IQCF1: variants seen among roughly 807,000 people sequenced by gnomAD.
The protein encoded by IQCF1 is IQ domain-containing protein F1.
Under a neutral mutation model 12.5 loss-of-function variants are expected in IQCF1, and 9 were observed. The ratio of observed to expected loss-of-function variants is 0.72; its 90% CI spans 0.43 to 1.26. The LOEUF (loss-of-function observed/expected upper bound fraction) is 1.26. Ranked by LOEUF, IQCF1 falls within the 50% of genes most tolerant of loss-of-function variation. IQCF1 has a pLI of 0.00. For synonymous variants in IQCF1, 67 were observed against 96.2 expected (o/e 0.70, Z 1.78); for missense variants, 252 against 257.4 (o/e 0.98, Z 0.14).
intron 2 of IQCF1, among the ~76,000 whole-genome samples, chr3:51,902,543 C>G (rs7373140): frequency 0.7 from 106,224 of 152,052 alleles, 38,066 homozygotes; most frequent in East Asian, 0.86. Flanking sequence ...TTCCGATTAC[C>G]GGCTCCACCC....
chr3:51,895,016 A>G lies in IQCF1; in HGVS notation c.492T>C (p.Ala164=). 2 of 1,614,258 alleles carry G rather than the reference A, an allele frequency of 1.2e-6. No individual in the cohort carries two copies. Among genetic ancestry groups the G allele is most frequent in the Non-Finnish European group, 1.7e-6 (2 of 1,180,034 alleles). ...IQAYWRCRSC[A]SRGFIKGQYR... The stretch of plus-strand genomic sequence containing the variant: ...ACTGGCCCTTGATGAACCCCCGGGA[A>G]GCACAGGAGCGGCACCTCCAGTAAG... Residue 164 remains alanine, a synonymous_variant, in exon 4 of 4, where the codon GCT becomes GCC. Transcript: ENST00000310914. This position sits in a 1 kb window ranked among gnomAD's most constrained non-coding sequence, Gnocchi z 4.8.
chr3:51,896,893 G>A lies in IQCF1; in HGVS notation c.110C>T (p.Ala37Val). 6.2e-7 allele frequency: 1 copy of A among 1,611,452 alleles called. No homozygotes were observed. The highest frequency in any genetic ancestry group is 1.6e-4 in the Middle Eastern group (1 of 6,062). The change falls in exon 3 of 4, where the codon GCT becomes GTT. Residue 37 changes from alanine to valine, a missense_variant and splice_region_variant. Transcript: ENST00000310914. Reference sequence around the variant, plus strand: ...TGTCTCAACCAGAACTGGAGTTTTAGCCTGAAAAGGAAATGGGGAAAGAGA... The same window carrying A: ...TGTCTCAACCAGAACTGGAGTTTTAACCTGAAAAGGAAATGGGGAAAGAGA... ...LSLGAESKAE[A>V]KTPVLVETQT... is the part of the protein sequence containing the mutation.
At chr3:51,901,486 G>A (rs530201300) in intron 2 of IQCF1, among the ~76,000 whole-genome samples, 4 of 152,322 alleles carry the variant, frequency 2.6e-5, no homozygotes, top group Non-Finnish European at 4.4e-5. Flanking sequence ...GTTCATCCCC[G>A]AGGGGATGTG....
rs772132466 is a variant in IQCF1, at chr3:51,896,854, T to A, written c.149A>T (p.Asn50Ile). The change falls in exon 3 of 4, where the codon AAT (asparagine) becomes ATT (isoleucine). Residue 50 changes from asparagine (N) to isoleucine (I), a missense_variant. Transcript: ENST00000310914. ...PVLVETQTVD[N>I]ANEKSEKPPE... is the part of the protein sequence containing the mutation. ...TACTTTTTCTGATTTCTCATTGGCATTGTCCACTGTCTGTGTCTCAACCAG... is the reference window on the plus strand; with the variant it reads ...TACTTTTTCTGATTTCTCATTGGCAATGTCCACTGTCTGTGTCTCAACCAG... 1.9e-6 allele frequency: 3 copies of A among 1,613,400 alleles called. No individual in the cohort carries two copies. The South Asian group carries it at 3.3e-5, about 18-fold the overall frequency.
intron 2 of IQCF1, among the ~76,000 whole-genome samples, chr3:51,902,599 G>A (rs1470858782): frequency 4.0e-5 from 6 of 151,726 alleles, no homozygotes; most frequent in Non-Finnish European, 7.4e-5. Context: ...GACTCATTCC[G>A]ATTTCCTGCT....
rs750481057 is a variant in IQCF1 at position 51,894,886 on chromosome 3, C to G, written c.*4G>C. On this transcript the variant is annotated 3_prime_UTR_variant, in exon 4 of 4. Transcript: ENST00000310914. The stretch of plus-strand genomic sequence containing the variant: ...TTGTCAGAGACTATCTGGAAAAGAC[C>G]ACTTCATTCCTTTATTGAGAAGGGA... 1.2e-6 allele frequency: 2 copies of G among 1,610,402 alleles called. No individual in the cohort carries two copies. The highest frequency in any genetic ancestry group is 2.2e-5 in the South Asian group (2 of 90,652).
intron 3 of IQCF1, among the ~76,000 whole-genome samples, chr3:51,896,128 T>G (rs1417193041): frequency 1.3e-5 from 2 of 152,234 alleles, no homozygotes; most frequent in Non-Finnish European, 2.9e-5. Context: ...AACATCTGAA[T>G]AGGAAACATT....
rs185634332 is a variant in IQCF1 at position 51,901,124 on chromosome 3, G to A, written c.108+1861C>T. Among the ~76,000 whole-genome samples, 349 of 152,322 alleles carry A rather than the reference G, an allele frequency of 2.3e-3. 1 individual carries two copies. The highest frequency in any genetic ancestry group is 7.9e-3 in the African/African-American group (328 of 41,570). On this transcript the variant is annotated intron_variant, in intron 2 of 3. Coordinates refer to ENST00000310914, the MANE Select transcript of IQCF1 (RefSeq NM_152397.3). Reference sequence around the variant, plus strand: ...TTGGAATGGATCAAATATTCCGTCCGCACATTAAACAAAAGCAATTGTTAT... The same window carrying A: ...TTGGAATGGATCAAATATTCCGTCCACACATTAAACAAAAGCAATTGTTAT...
At position 51,895,001 on chromosome 3, in the gene IQCF1, G is replaced by C. The variant is rs753873452; in HGVS notation, c.507C>G (p.Ile169Met). 6.2e-7 allele frequency: 1 copy of C among 1,614,226 alleles called. No individual in the cohort carries two copies. Among genetic ancestry groups the C allele is most frequent in the South Asian group, 1.1e-5 (1 of 91,086 alleles). ...RCRSCASRGFIKGQYRVTANQ... is the reference protein window; with the variant it reads ...RCRSCASRGFMKGQYRVTANQ... ...TGGCTGTGACTCTGTACTGGCCCTTGATGAACCCCCGGGAAGCACAGGAGC... is the reference window on the plus strand; with the variant it reads ...TGGCTGTGACTCTGTACTGGCCCTTCATGAACCCCCGGGAAGCACAGGAGC... Residue 169 changes from isoleucine to methionine, a missense_variant, in exon 4 of 4, where the codon ATC becomes ATG. Transcript: ENST00000310914. This position sits in a 1 kb window ranked among gnomAD's most constrained non-coding sequence, Gnocchi z 4.8.
chr3:51,895,102 G>C lies in IQCF1; in HGVS notation c.406C>G (p.Arg136Gly). ...TAGCGTCTGCGGATGCGCCACATGC[G>C]GGCCTGGGACTGCAGTGTGACTGCT... is the stretch of plus-strand genomic sequence containing the variant. ...WAAVTLQSQA[R>G]MWRIRRRYCQ... The change falls in exon 4 of 4, where the codon CGC becomes GGC. Residue 136 changes from arginine (R) to glycine (G), a missense_variant. Arg to Gly is a moderately radical substitution (Grantham distance 125, BLOSUM62 -2). Transcript: ENST00000310914. This position sits in a 1 kb window ranked among gnomAD's most constrained non-coding sequence, Gnocchi z 4.8. 6.2e-7 allele frequency: 1 copy of C among 1,614,218 alleles called. No individual in the cohort carries two copies.
intron 2 of IQCF1, among the ~76,000 whole-genome samples, chr3:51,897,300 C>T (rs1699019086): frequency 6.6e-6 from 1 of 152,230 alleles, no homozygotes; most frequent in Non-Finnish European, 1.5e-5. Flanking sequence ...CCTTCCCCTC[C>T]CTTGTCCAAG....
Position 51,896,903 on chromosome 3 carries a change from G to T in IQCF1, c.109-9C>A. The T allele has an allele frequency of 6.2e-7, 1 of 1,605,924 alleles. No homozygotes were observed. Among genetic ancestry groups the T allele is most frequent in the South Asian group, 1.1e-5 (1 of 90,904 alleles). On this transcript the variant is annotated splice_polypyrimidine_tract_variant and intron_variant, in intron 2 of 3. Transcript: ENST00000310914. ...AGAACTGGAGTTTTAGCCTGAAAAGGAAATGGGGAAAGAGAACAGACAAGA... is the reference window on the plus strand; with the variant it reads ...AGAACTGGAGTTTTAGCCTGAAAAGTAAATGGGGAAAGAGAACAGACAAGA...
chr3:51,903,067 G>A lies in IQCF1; in HGVS notation c.26C>T (p.Thr9Met), dbSNP rs145799557. The A allele has an allele frequency of 1.7e-5, 28 of 1,613,942 alleles. No homozygotes were observed. The highest frequency in any genetic ancestry group is 3.3e-5 in the South Asian group (3 of 91,084). Residue 9 changes from threonine (T) to methionine (M), a missense_variant, in exon 2 of 4, where the codon ACG (threonine) becomes ATG (methionine). Physicochemically the swap from Thr to Met is moderately conservative, Grantham distance 81. Transcript: ENST00000310914. MEEKQPQK[T>M]KEPSKEDEPQ... ...CTCATCTTCTTTTGAGGGTTCCTTCGTCTTTTGGGGCTGCTTCTCCTCCTG... is the reference window on the plus strand; with the variant it reads ...CTCATCTTCTTTTGAGGGTTCCTTCATCTTTTGGGGCTGCTTCTCCTCCTG...
chr3:51,899,825 AAC>A (rs1156808734), intron 2 of IQCF1, among the ~76,000 whole-genome samples: 2 of 152,242 alleles, frequency 1.3e-5, no homozygotes, highest in African/African-American at 4.8e-5. Context: ...TAACATTAAT[AAC>A]ACACTTAATA....
chr3:51,901,562 A>G (rs1172182863), intron 2 of IQCF1, among the ~76,000 whole-genome samples: 1 of 152,200 alleles, frequency 6.6e-6, no homozygotes, highest in Non-Finnish European at 1.5e-5. Flanking sequence ...CTTGTGTTTT[A>G]GTCCAATTGG....
intron 2 of IQCF1, among the ~76,000 whole-genome samples, chr3:51,898,266 G>C (rs887575134): frequency 1.3e-5 from 2 of 152,154 alleles, no homozygotes; most frequent in Middle Eastern, 3.2e-3. Context: ...CAGAGAGAGA[G>C]AGAGAGAGAG....
At position 51,900,378 on chromosome 3, in the gene IQCF1, T is replaced by A. The variant is rs1202491684; in HGVS notation, c.108+2607A>T. ...CTCTTTCATCTATTCTATTACTCTT[T>A]CTTCTTTCCTCGCTCTATTGCTGAC... On this transcript the variant is annotated intron_variant, in intron 2 of 3. Transcript: ENST00000310914. The surrounding 1 kb of genome is among the most constrained non-coding windows in gnomAD (Gnocchi z 4.2). Among the ~76,000 whole-genome samples the A allele has an allele frequency of 6.6e-6, 1 of 152,254 alleles. No individual in the cohort carries two copies. The highest frequency in any genetic ancestry group is 1.5e-5 in the Non-Finnish European group (1 of 68,036).
intron 3 of IQCF1, among the ~76,000 whole-genome samples, chr3:51,896,143 C>T (rs566212734): frequency 2.0e-5 from 3 of 152,264 alleles, no homozygotes; most frequent in African/African-American, 7.2e-5. Context: ...AACATTTGTC[C>T]TCTGTTGTCT....
At chr3:51,897,574 C>G (rs1442159783) in intron 2 of IQCF1, among the ~76,000 whole-genome samples, 1 of 152,150 alleles carries the variant, frequency 6.6e-6, no homozygotes, top group Non-Finnish European at 1.5e-5. Flanking sequence ...AATAACGCAA[C>G]GCGAGCTCTC....
Sources: allele counts gnomAD v4.1 joint callset (sites outside exome capture counted in the v4.1 genomes callset), GRCh38; gene constraint gnomAD v4.1.1; non-coding constraint Gnocchi (gnomAD v3.1); transcripts MANE v1.5; gene names NCBI Gene and HGNC (gene_info 2026-07-23, HGNC 2026-07-21).